Variants in FGF14 observed in about 807,000 individuals in gnomAD.
FGF14 encodes the protein fibroblast growth factor homologous factor 4.
FGF14 carries 5 observed loss-of-function variants against 25.5 expected under a neutral mutation model. The ratio of observed to expected loss-of-function variants is 0.20; its 90% CI spans 0.10 to 0.41. FGF14 has a LOEUF of 0.41. Ranked by LOEUF, FGF14 falls within the 10% of genes least tolerant of loss-of-function variation. The pLI is 1.00. For missense variants in FGF14, 222 were observed against 320.1 expected (o/e 0.69, Z 2.34); for synonymous variants, 138 against 118.3 (o/e 1.17, Z -1.08).
At chr13:102,154,346 A>G (rs990840886) in intron 1 of FGF14, among the ~76,000 whole-genome samples, 1 of 151,780 alleles carries the variant, frequency 6.6e-6, no homozygotes, top group Non-Finnish European at 1.5e-5. Flanking sequence ...GCCAGAAGAG[A>G]GTGGGGGCCA....
chr13:102,352,607 T>C (rs1218788939), intron 1 of FGF14, among the ~76,000 whole-genome samples: 1 of 151,802 alleles, frequency 6.6e-6, no homozygotes, highest in Non-Finnish European at 1.5e-5. Context: ...GGTCAGGAGA[T>C]CGAGACCATT....
intron 3 of FGF14, among the ~76,000 whole-genome samples, chr13:101,742,744 A>T (rs1375302324): frequency 6.6e-6 from 1 of 152,158 alleles, no homozygotes; most frequent in African/African-American, 2.4e-5. Context: ...CATTGGGCAA[A>T]GCTGCCTCCC....
At chr13:102,352,242 TACACACACACACACACACACACACACAC>T (rs56774921) in intron 1 of FGF14, among the ~76,000 whole-genome samples, 2 of 137,284 alleles carry the variant, frequency 1.5e-5, no homozygotes, top group Admixed American at 7.3e-5. Context: ...TGTACCTTTA[TACACACACACACACACACACACACACAC>T]ACACACACAC....
At chr13:101,962,732 T>C (rs1282854265) in intron 1 of FGF14, among the ~76,000 whole-genome samples, 2 of 152,216 alleles carry the variant, frequency 1.3e-5, no homozygotes, top group Non-Finnish European at 2.9e-5. Context: ...ATGACAGTTG[T>C]ATGCAACATG....
chr13:101,860,338 C>T (rs1343789784), intron 3 of FGF14, among the ~76,000 whole-genome samples: 3 of 152,012 alleles, frequency 2.0e-5, no homozygotes, highest in Non-Finnish European at 4.4e-5. Flanking sequence ...TCTCTATGCA[C>T]TCCCCAAAGG....
intron 1 of FGF14, among the ~76,000 whole-genome samples, chr13:102,215,676 G>T (rs1229133866): frequency 6.6e-6 from 1 of 152,150 alleles, no homozygotes; most frequent in Non-Finnish European, 1.5e-5. Flanking sequence ...ACACTACTGT[G>T]TGTGTATGTT....
chr13:101,889,389 GAAGA>G (rs1283145944), intron 1 of FGF14, among the ~76,000 whole-genome samples: 1 of 152,052 alleles, frequency 6.6e-6, no homozygotes, highest in Non-Finnish European at 1.5e-5. Context: ...TAAAGTATTT[GAAGA>G]AAGGAATTTG....
At chr13:101,899,752 G>A (rs929363227) in intron 1 of FGF14, among the ~76,000 whole-genome samples, 12 of 151,904 alleles carry the variant, frequency 7.9e-5, no homozygotes, top group African/African-American at 2.7e-4. Flanking sequence ...AGCCTATAAA[G>A]AATGAAGGCA....
At chr13:101,869,553 G>C (rs1311242113) in intron 2 of FGF14, among the ~76,000 whole-genome samples, 2 of 152,152 alleles carry the variant, frequency 1.3e-5, no homozygotes, top group Non-Finnish European at 2.9e-5. Flanking sequence ...GCTGCATGTT[G>C]AATGTTTAGT....
intron 1 of FGF14, among the ~76,000 whole-genome samples, chr13:102,218,795 T>C (rs1210338732): frequency 1.3e-5 from 2 of 152,190 alleles, no homozygotes; most frequent in African/African-American, 2.4e-5. Context: ...TATATGAATA[T>C]GTAGTAATAT....
chr13:101,715,496 A>T lies in FGF14; in HGVS notation c.*7335T>A. 1 of 1,064,106 alleles carries T rather than the reference A, an allele frequency of 9.4e-7. No homozygotes were observed. The highest frequency in any genetic ancestry group is 1.3e-5 in the South Asian group (1 of 79,178). 65.9% of individuals were successfully genotyped at this position (1,064,106 alleles called of 1,614,324 possible). On this transcript the variant is annotated 3_prime_UTR_variant, in exon 5 of 5. Transcript: ENST00000376143. ...ATTTCATTGTGGACACTTGTGATTT[A>T]TAATAGCATGTTTAAATTTGGCACA...
At chr13:102,131,395 T>C (rs2046189248) in intron 1 of FGF14, among the ~76,000 whole-genome samples, 1 of 152,144 alleles carries the variant, frequency 6.6e-6, no homozygotes, top group Admixed American at 6.5e-5. Flanking sequence ...TTAGTGCAAA[T>C]GAAAGCTTTT....
chr13:102,295,337 C>T (rs74112307), intron 1 of FGF14, among the ~76,000 whole-genome samples: 3,752 of 152,244 alleles, frequency 0.025, 154 homozygotes, highest in African/African-American at 0.084. Context: ...ATCATCACTC[C>T]ACCATGCACT....
At chr13:102,291,152 GAT>G (rs1204090537) in intron 1 of FGF14, among the ~76,000 whole-genome samples, 1 of 152,182 alleles carries the variant, frequency 6.6e-6, no homozygotes, top group Non-Finnish European at 1.5e-5. Flanking sequence ...AAGCATGACT[GAT>G]AGAAATTTTC....
chr13:101,771,663 T>G (rs191922170), intron 3 of FGF14, among the ~76,000 whole-genome samples: 124 of 152,262 alleles, frequency 8.1e-4, no homozygotes, highest in African/African-American at 2.8e-3. Flanking sequence ...AGCCTGATTT[T>G]CTGATCTATG....
intron 3 of FGF14, among the ~76,000 whole-genome samples, chr13:101,728,427 A>G (rs1278055261): frequency 6.6e-6 from 1 of 152,078 alleles, no homozygotes; most frequent in Non-Finnish European, 1.5e-5. Context: ...ATCTCCATAT[A>G]TCCTCCAATT....
At chr13:101,828,651 A>G (rs1181295321) in intron 3 of FGF14, among the ~76,000 whole-genome samples, 1 of 152,048 alleles carries the variant, frequency 6.6e-6, no homozygotes, top group Non-Finnish European at 1.5e-5. Context: ...TGTTTAGATT[A>G]AATCAGTAAT....
rs370010591 is a variant in FGF14 at position 101,876,035 on chromosome 13, ACAGT to A, written c.194-743_194-740del. On this transcript the variant is annotated intron_variant, in intron 1 of 4. Transcript: ENST00000376143. ...TCATTAACTTGTATAACTAAAAAGG[ACAGT>A]CAAGTTATACAATATGAAATCTGAT... 2.6e-4 allele frequency among the ~76,000 whole-genome samples: 39 copies of A among 152,288 alleles called. No homozygotes were observed. The East Asian group carries it at 6.4e-3, about 25-fold the overall frequency.
intron 1 of FGF14, among the ~76,000 whole-genome samples, chr13:101,968,489 T>A (rs941011606): frequency 6.6e-6 from 1 of 151,740 alleles, no homozygotes; most frequent in African/African-American, 2.4e-5. Context: ...CTGACTAACA[T>A]GGTGAAACCC....
Sources: gnomAD v4.1 joint callset for allele counts (sites outside exome capture counted in the v4.1 genomes callset) on GRCh38, gnomAD v4.1.1 for gene constraint, MANE v1.5 for transcripts, NCBI Gene and HGNC (gene_info 2026-07-23, HGNC 2026-07-21) for gene names.